IRF2: variants seen among roughly 807,000 people sequenced by gnomAD.
IRF2 encodes the protein interferon regulatory factor 2.
A neutral mutation model predicts 40.6 loss-of-function variants in IRF2; 15 were observed. That is an observed-to-expected ratio of 0.37 (90% CI 0.25 to 0.57). The LOEUF (loss-of-function observed/expected upper bound fraction) is 0.57. IRF2 is among the 20% of genes least tolerant of loss of function. The probability of loss-of-function intolerance (pLI) is 0.77; values close to 1 mark genes in which losing one functional copy is unlikely to be tolerated. For missense variants in IRF2, 317 were observed against 455.7 expected (o/e 0.70, Z 2.77); for synonymous variants, 151 against 165.5 (o/e 0.91, Z 0.67).
intron 1 of IRF2, among the ~76,000 whole-genome samples, chr4:184,443,638 A>C (rs1325043938): frequency 6.6e-6 from 1 of 152,214 alleles, no homozygotes; most frequent in South Asian, 2.1e-4. Context: ...GGTTAAGTCC[A>C]TATCTTTGCT....
intron 1 of IRF2, among the ~76,000 whole-genome samples, chr4:184,461,641 A>C (rs1004107420): frequency 6.6e-6 from 1 of 152,146 alleles, no homozygotes; most frequent in Non-Finnish European, 1.5e-5. Context: ...TGGATGAATG[A>C]TCAAAATAGT....
At chr4:184,407,105 G>A in intron 6 of IRF2, 1 of 950,958 alleles carries the variant, frequency 1.1e-6, no homozygotes, top group Non-Finnish European at 1.5e-6. Context: ...AGACCAGTCA[G>A]ACAGAATGTC....
intron 1 of IRF2, among the ~76,000 whole-genome samples, chr4:184,460,423 A>G (rs974824411): frequency 2.0e-5 from 3 of 152,202 alleles, no homozygotes; most frequent in Admixed American, 2.0e-4. Flanking sequence ...TTGTGAATGT[A>G]ATTAACGTCA....
chr4:184,392,143 T>C (rs1026363718), intron 7 of IRF2, among the ~76,000 whole-genome samples: 6 of 152,322 alleles, frequency 3.9e-5, no homozygotes, highest in South Asian at 2.1e-4. Flanking sequence ...TCCATAACCA[T>C]TGAGAAATGC....
At chr4:184,441,805 C>T (rs1738321926) in intron 1 of IRF2, among the ~76,000 whole-genome samples, 2 of 152,322 alleles carry the variant, frequency 1.3e-5, no homozygotes, top group East Asian at 1.9e-4. Context: ...AACGTGGGTA[C>T]TACTGTGGTC....
intron 1 of IRF2, among the ~76,000 whole-genome samples, chr4:184,464,336 C>A (rs1394174115): frequency 6.6e-6 from 1 of 151,056 alleles, no homozygotes; most frequent in Non-Finnish European, 1.5e-5. Flanking sequence ...AAGATGGGGA[C>A]CATAAAAGGT....
rs1435624858 is a variant in IRF2 at position 184,448,939 on chromosome 4, C to G, written c.-6-19869G>C. On this transcript the variant is annotated intron_variant, in intron 1 of 8. Coordinates refer to ENST00000393593, the MANE Select transcript of IRF2 (RefSeq NM_002199.4). This position sits in a 1 kb window ranked among gnomAD's most constrained non-coding sequence, Gnocchi z 4.3. ...TTCCTCGACGTGTGCAAGACGGAAG[C>G]CTGAACAACTGTCAGTTCCACTTGC... 2.0e-5 allele frequency: 3 copies of G among 152,266 alleles called. No individual in the cohort carries two copies. In the East Asian group the frequency reaches 5.8e-4, roughly 29 times the overall value. 9.4% of individuals were successfully genotyped at this position (152,266 alleles called of 1,614,324 possible).
At chr4:184,433,947 G>A (rs75978466) in intron 1 of IRF2, among the ~76,000 whole-genome samples, 1,964 of 152,288 alleles carry the variant, frequency 0.013, 25 homozygotes, top group Middle Eastern at 0.034. Flanking sequence ...ACCAGAAACG[G>A]ATCATTTAGT....
At chr4:184,419,612 G>C in intron 2 of IRF2, 44 bp from the exon 3 acceptor site, 1 of 1,393,446 alleles carries the variant, frequency 7.2e-7, no homozygotes, top group South Asian at 1.2e-5. Flanking sequence ...TGGAGTCATG[G>C]GTTTTGGCCC....
At position 184,388,867 on chromosome 4, in the gene IRF2, G is replaced by A. The variant is rs2149889265; in HGVS notation, c.941C>T (p.Ser314Phe). Residue 314 changes from serine to phenylalanine, a missense_variant, in exon 9 of 9, where the codon TCT becomes TTT. Transcript: ENST00000393593. This position sits in a 1 kb window ranked among gnomAD's most constrained non-coding sequence, Gnocchi z 4.6. ...GCTGGATGCTGGGGTCATGGAGGAA[G>A]AAAGGGGGAGGTCTTGAAAAGGGGG... ...SWPPFQDLPL[S>F]SSMTPASSSS... 6.2e-7 allele frequency: 1 copy of A among 1,614,100 alleles called. No individual in the cohort carries two copies. The highest frequency in any genetic ancestry group is 8.5e-7 in the Non-Finnish European group (1 of 1,180,018).
intron 3 of IRF2, among the ~76,000 whole-genome samples, 175 bp from the exon 4 acceptor site, chr4:184,418,883 G>A (rs1209970261): frequency 6.6e-6 from 1 of 152,084 alleles, no homozygotes; most frequent in Non-Finnish European, 1.5e-5. Context: ...TTCTTGGGAT[G>A]TGGGAATTTT....
chr4:184,412,573 G>A (rs1347269846), intron 5 of IRF2, among the ~76,000 whole-genome samples: 2 of 152,192 alleles, frequency 1.3e-5, no homozygotes, highest in African/African-American at 4.8e-5. Flanking sequence ...CGTGTAGGCT[G>A]ACAGCTGGAC....
chr4:184,427,340 CA>C (rs1410156549), intron 2 of IRF2, among the ~76,000 whole-genome samples: 2 of 152,206 alleles, frequency 1.3e-5, no homozygotes, highest in Non-Finnish European at 2.9e-5. Context: ...CTCAGACAGA[CA>C]TATTCAACAC....
intron 5 of IRF2, among the ~76,000 whole-genome samples, chr4:184,412,500 C>T (rs1737114228): frequency 6.6e-6 from 1 of 152,184 alleles, no homozygotes; most frequent in South Asian, 2.1e-4. Context: ...CAAAGCCAGT[C>T]TCTTTGAAGC....
rs767401817 is a variant in IRF2, at chr4:184,408,131, A to T, written c.529+27T>A. ...GCCCCAGGGGGCTGCTGGTATGTAT[A>T]AAAAATGAGACGTCAAAACAGTTTA... On this transcript the variant is annotated intron_variant, in intron 6 of 8. Coordinates refer to ENST00000393593, the MANE Select transcript of IRF2 (RefSeq NM_002199.4). The surrounding 1 kb of genome is among the most constrained non-coding windows in gnomAD (Gnocchi z 4.9). 7.1e-7 allele frequency: 1 copy of T among 1,418,346 alleles called. No homozygotes were observed. Among genetic ancestry groups the T allele is most frequent in the South Asian group, 1.2e-5 (1 of 85,676 alleles). 87.9% of individuals were successfully genotyped at this position (1,418,346 alleles called of 1,614,324 possible).
intron 1 of IRF2, among the ~76,000 whole-genome samples, chr4:184,461,341 A>G (rs1300524809): frequency 1.3e-5 from 2 of 152,234 alleles, no homozygotes; most frequent in African/African-American, 4.8e-5. Flanking sequence ...ACTTGGCAAA[A>G]AAATCTGTCA....
intron 2 of IRF2, 43 bp downstream of exon 2, chr4:184,428,935 G>T: frequency 1.3e-6 from 2 of 1,492,024 alleles, no homozygotes; most frequent in Non-Finnish European, 1.9e-6. Context: ...GCGTGTTTCA[G>T]CCAGGACCTC....
At chr4:184,432,660 C>T (rs141837416) in intron 1 of IRF2, among the ~76,000 whole-genome samples, 141 of 152,278 alleles carry the variant, frequency 9.3e-4, no homozygotes, top group African/African-American at 3.2e-3. Flanking sequence ...ACCAGTAGCT[C>T]GCAGGAACCC....
At chr4:184,466,327 A>G (rs1290646568) in intron 1 of IRF2, among the ~76,000 whole-genome samples, 1 of 152,190 alleles carries the variant, frequency 6.6e-6, no homozygotes, top group East Asian at 1.9e-4. Context: ...CTGGGATTAC[A>G]GGCGTGAGCC....
Sources: allele counts gnomAD v4.1 joint callset (sites outside exome capture counted in the v4.1 genomes callset), GRCh38; gene constraint gnomAD v4.1.1; non-coding constraint Gnocchi (gnomAD v3.1); transcripts MANE v1.5; gene names NCBI Gene and HGNC (gene_info 2026-07-23, HGNC 2026-07-21).